Variants in DLGAP1 observed in about 807,000 individuals in gnomAD.
DLGAP1 encodes disks large-associated protein 1.
A neutral mutation model predicts 90.8 loss-of-function variants in DLGAP1; 11 were observed. The observed-to-expected ratio is 0.12, with a 90% CI of 0.08 to 0.20. The LOEUF is 0.20. Ranked by LOEUF, DLGAP1 falls within the 10% of genes least tolerant of loss-of-function variation. The pLI, the probability that DLGAP1 is intolerant of heterozygous loss-of-function variation, is 1.00. For missense variants in DLGAP1, 1,050 were observed against 1,333.8 expected (o/e 0.79, Z 3.31); for synonymous variants, 558 against 540.7 (o/e 1.03, Z -0.44).
At chr18:4,002,945 TC>T (rs1488787249) in intron 3 of DLGAP1, among the ~76,000 whole-genome samples, 5 of 152,186 alleles carry the variant, frequency 3.3e-5, no homozygotes, top group Non-Finnish European at 7.3e-5. Context: ...GTTGCCACTA[TC>T]TTGAGTGTTC....
chr18:4,281,954 T>C (rs923494803), intron 1 of DLGAP1, among the ~76,000 whole-genome samples: 1 of 152,228 alleles, frequency 6.6e-6, no homozygotes, highest in Non-Finnish European at 1.5e-5. Flanking sequence ...GAATTCTAAA[T>C]GCATTCCACT....
intron 7 of DLGAP1, among the ~76,000 whole-genome samples, chr18:3,640,442 A>G (rs1424857740): frequency 6.6e-6 from 1 of 152,248 alleles, no homozygotes; most frequent in African/African-American, 2.4e-5. Flanking sequence ...AGCGAGACAG[A>G]CAGCGGGCGC....
At chr18:3,857,443 A>T (rs956792925) in intron 4 of DLGAP1, among the ~76,000 whole-genome samples, 1 of 152,192 alleles carries the variant, frequency 6.6e-6, no homozygotes, top group East Asian at 1.9e-4. Context: ...AATAATAAAC[A>T]TTTATCAAAA....
chr18:3,620,054 A>G (rs2058040393), intron 7 of DLGAP1, among the ~76,000 whole-genome samples: 1 of 151,912 alleles, frequency 6.6e-6, no homozygotes, highest in Non-Finnish European at 1.5e-5. Context: ...AATCTTTGAA[A>G]TCTGTGGATA....
chr18:4,194,239 T>C (rs570611092), intron 1 of DLGAP1, among the ~76,000 whole-genome samples: 4 of 152,302 alleles, frequency 2.6e-5, no homozygotes, highest in South Asian at 2.1e-4. Context: ...CTTCCACTTA[T>C]AACTGAAAGC....
At chr18:4,073,259 GAAAA>G (rs2075476053) in intron 2 of DLGAP1, among the ~76,000 whole-genome samples, 2 of 152,136 alleles carry the variant, frequency 1.3e-5, no homozygotes, top group South Asian at 4.1e-4. Flanking sequence ...CCAATTTTTT[GAAAA>G]AGAGCAGGGC....
intron 2 of DLGAP1, among the ~76,000 whole-genome samples, chr18:4,008,578 A>G (rs1165235921): frequency 4.9e-4 from 75 of 152,214 alleles, no homozygotes; most frequent in Admixed American, 4.9e-3. Context: ...ACATCTGTCT[A>G]AAAATGAAAA....
intron 10 of DLGAP1, among the ~76,000 whole-genome samples, chr18:3,522,876 G>A (rs773546082): frequency 1.3e-5 from 2 of 152,040 alleles, no homozygotes; most frequent in Non-Finnish European, 2.9e-5. Flanking sequence ...GGCACCAAGA[G>A]GATACAATGG....
intron 7 of DLGAP1, among the ~76,000 whole-genome samples, chr18:3,699,549 C>G (rs2061208511): frequency 1.3e-5 from 2 of 152,164 alleles, no homozygotes; most frequent in Non-Finnish European, 2.9e-5. Flanking sequence ...ACAGCCAGAG[C>G]TCTCCTGTAT....
chr18:3,657,545 G>T (rs1174973066), intron 7 of DLGAP1, among the ~76,000 whole-genome samples: 1 of 151,628 alleles, frequency 6.6e-6, no homozygotes, highest in African/African-American at 2.4e-5. Flanking sequence ...AAGTAACAAT[G>T]AAATATACAG....
intron 3 of DLGAP1, among the ~76,000 whole-genome samples, chr18:3,952,831 A>G (rs1367193086): frequency 6.6e-6 from 1 of 152,206 alleles, no homozygotes; most frequent in African/African-American, 2.4e-5. Context: ...GAGAGAGTTT[A>G]CAATAAGTAA....
intron 3 of DLGAP1, among the ~76,000 whole-genome samples, chr18:3,946,588 T>G (rs1193084286): frequency 6.6e-6 from 1 of 152,182 alleles, no homozygotes; most frequent in African/African-American, 2.4e-5. Context: ...TCTGGGAATT[T>G]ACTAAATATA....
intron 1 of DLGAP1, among the ~76,000 whole-genome samples, chr18:4,415,530 C>A (rs2082880400): frequency 6.6e-6 from 1 of 152,082 alleles, no homozygotes; most frequent in Non-Finnish European, 1.5e-5. Flanking sequence ...TACTGAATTG[C>A]CTTTTAACAG....
intron 3 of DLGAP1, among the ~76,000 whole-genome samples, chr18:3,905,958 C>A (rs755004642): frequency 2.6e-5 from 4 of 152,192 alleles, no homozygotes; most frequent in Non-Finnish European, 4.4e-5. Context: ...TGAAGAGTAC[C>A]TCTAGCCATT....
At chr18:3,584,699 G>A (rs2055770040) in intron 7 of DLGAP1, among the ~76,000 whole-genome samples, 1 of 152,124 alleles carries the variant, frequency 6.6e-6, no homozygotes, top group South Asian at 2.1e-4. Context: ...ATGACTGGCA[G>A]AGGCCCAGCC....
At chr18:3,799,121 A>G (rs1301006632) in intron 5 of DLGAP1, among the ~76,000 whole-genome samples, 1 of 152,182 alleles carries the variant, frequency 6.6e-6, no homozygotes, top group African/African-American at 2.4e-5. Context: ...GTGATCCACC[A>G]GCCTTGGCTT....
At chr18:3,833,838 G>T (rs1181748518) in intron 4 of DLGAP1, among the ~76,000 whole-genome samples, 3 of 151,980 alleles carry the variant, frequency 2.0e-5, no homozygotes, top group Non-Finnish European at 4.4e-5. Flanking sequence ...TGAAGGTGTT[G>T]GTTTACAAAA....
intron 3 of DLGAP1, among the ~76,000 whole-genome samples, chr18:3,926,494 TAA>T (rs539146541): frequency 0.1 from 3,874 of 38,374 alleles, 66 homozygotes; most frequent in African/African-American, 0.13. Flanking sequence ...TATATGTATA[TAA>T]ATATATATGC....
At chr18:4,245,551 T>C (rs2078636598) in intron 1 of DLGAP1, among the ~76,000 whole-genome samples, 1 of 152,186 alleles carries the variant, frequency 6.6e-6, no homozygotes, top group Non-Finnish European at 1.5e-5. Context: ...AAAGCTATTA[T>C]TTTTTATAAG....
Sources: allele counts gnomAD v4.1 joint callset (sites outside exome capture counted in the v4.1 genomes callset), GRCh38; gene constraint gnomAD v4.1.1; transcripts MANE v1.5; gene names NCBI Gene and HGNC (gene_info 2026-07-23, HGNC 2026-07-21).